The following ZDHHC21 variants were observed in gnomAD, a reference collection of about 807,000 sequenced individuals.
ZDHHC21 encodes the protein palmitoyltransferase ZDHHC21.
A neutral mutation model predicts 34.6 loss-of-function variants in ZDHHC21; 15 were observed. The ratio of observed to expected loss-of-function variants is 0.43; its 90% CI spans 0.29 to 0.67. The LOEUF is 0.67. Ranked by LOEUF, ZDHHC21 falls within the 30% of genes least tolerant of loss-of-function variation. The pLI, the probability that ZDHHC21 is intolerant of heterozygous loss-of-function variation, is 0.14. For missense variants in ZDHHC21, 344 were observed against 327.7 expected (o/e 1.05, Z -0.38); for synonymous variants, 142 against 101.8 (o/e 1.40, Z -2.38).
intron 7 of ZDHHC21, among the ~76,000 whole-genome samples, chr9:14,641,600 T>C (rs1564265065): frequency 6.6e-6 from 1 of 152,102 alleles, no homozygotes; most frequent in East Asian, 1.9e-4. Context: ...GTCAAACATC[T>C]ACCAGCCACC....
chr9:14,635,995 T>C (rs576486907), intron 8 of ZDHHC21, among the ~76,000 whole-genome samples: 11 of 152,026 alleles, frequency 7.2e-5, no homozygotes, highest in African/African-American at 2.7e-4. Flanking sequence ...AAAAGAAAAG[T>C]ACAAAGCATA....
the ZDHHC21 span, among the ~76,000 whole-genome samples, chr9:14,601,734 T>C: frequency 9.2e-5 from 14 of 152,262 alleles, no homozygotes; most frequent in South Asian, 2.9e-3. Context: ...TAGCAAAAAC[T>C]ATGAACCAAC....
chr9:14,678,827 C>T (rs2131584036), intron 3 of ZDHHC21, among the ~76,000 whole-genome samples: 1 of 152,094 alleles, frequency 6.6e-6, no homozygotes, highest in East Asian at 1.9e-4. Flanking sequence ...TAGACTATTT[C>T]CAAGCTATTG....
At chr9:14,630,957 T>C (rs1440351862) in intron 8 of ZDHHC21, among the ~76,000 whole-genome samples, 1 of 152,230 alleles carries the variant, frequency 6.6e-6, no homozygotes, top group Non-Finnish European at 1.5e-5. Flanking sequence ...GCATAATTCT[T>C]AAGAGCCTAG....
At chr9:14,603,753 G>C in the ZDHHC21 span, among the ~76,000 whole-genome samples, 1 of 152,124 alleles carries the variant, frequency 6.6e-6, no homozygotes, top group African/African-American at 2.4e-5. Context: ...TAGAAAAAGG[G>C]AATCGCTGCT....
intron 1 of ZDHHC21, 51 bp from the exon 2 acceptor site, chr9:14,690,436 C>T (rs1209800578): frequency 4.6e-6 from 2 of 434,832 alleles, no homozygotes; most frequent in South Asian, 1.7e-5. Context: ...TGACATCACA[C>T]TTGAGCATTT....
chr9:14,598,342 T>C, the ZDHHC21 span, among the ~76,000 whole-genome samples: 5 of 152,206 alleles, frequency 3.3e-5, no homozygotes, highest in African/African-American at 9.7e-5. Flanking sequence ...ACACTACTGA[T>C]GCTGATTACA....
chr9:14,687,579 G>A (rs562770401), intron 2 of ZDHHC21, among the ~76,000 whole-genome samples: 7 of 150,904 alleles, frequency 4.6e-5, no homozygotes, highest in Admixed American at 2.0e-4. Context: ...GCTGAGGCAC[G>A]AGAATCGCTT....
the ZDHHC21 span, chr9:14,593,771 C>T: frequency 8.8e-4 from 134 of 152,926 alleles, 1 homozygote; most frequent in Non-Finnish European, 1.4e-3. Flanking sequence ...ATAACCAACA[C>T]TGTCCTACAG....
In ZDHHC21 at chr9:14,656,767, T is replaced by C. The variant is rs987079731; in HGVS notation, c.504+1982A>G. Among the ~76,000 whole-genome samples the C allele has an allele frequency of 3.0e-4, 45 of 152,004 alleles. 1 individual carries two copies. The highest frequency in any genetic ancestry group is 5.9e-5 in the Non-Finnish European group (4 of 67,878). On this transcript the variant is annotated intron_variant, in intron 7 of 9. Transcript: ENST00000380916. Reference sequence around the variant, plus strand: ...CTAACAACCAACATAATGATTTGATTTTCATTTGCTAAAATGCTACTAACA... The same window carrying C: ...CTAACAACCAACATAATGATTTGATCTTCATTTGCTAAAATGCTACTAACA...
At chr9:14,674,115 T>A (rs1461445408) in intron 4 of ZDHHC21, 72 bp downstream of exon 4, 3 of 971,620 alleles carry the variant, frequency 3.1e-6, no homozygotes, top group Non-Finnish European at 1.4e-6. Flanking sequence ...GTTATCATAG[T>A]GGCACTACAC....
chr9:14,656,955 T>C (rs1832349101), intron 7 of ZDHHC21, among the ~76,000 whole-genome samples: 1 of 152,002 alleles, frequency 6.6e-6, no homozygotes, highest in African/African-American at 2.4e-5. Flanking sequence ...TTTACTATGC[T>C]GCTGATCTTT....
At chr9:14,650,852 T>C (rs898284603) in intron 7 of ZDHHC21, among the ~76,000 whole-genome samples, 4 of 152,006 alleles carry the variant, frequency 2.6e-5, no homozygotes, top group African/African-American at 9.7e-5. Context: ...TTTCCTTTAT[T>C]GAAATTCTCT....
rs368628792 is a variant in ZDHHC21 at position 14,674,348 on chromosome 9, T to C, written c.-8A>G. 2 of 1,587,344 alleles carry C rather than the reference T, an allele frequency of 1.3e-6. No individual in the cohort carries two copies. Among genetic ancestry groups the C allele is most frequent in the African/African-American group, 1.4e-5 (1 of 73,084 alleles). On this transcript the variant is annotated 5_prime_UTR_variant, in exon 4 of 10. Transcript: ENST00000380916. The stretch of plus-strand genomic sequence containing the variant: ...GTGAATCCGGAGACCCATTTTGCAA[T>C]CTTATAACTGCCTGCTAACCCACAA...
intron 8 of ZDHHC21, among the ~76,000 whole-genome samples, chr9:14,638,869 C>G (rs1270397646): frequency 6.6e-6 from 1 of 151,938 alleles, no homozygotes; most frequent in Non-Finnish European, 1.5e-5. Flanking sequence ...TGCTGGCAAA[C>G]ATGCAGAGAA....
At chr9:14,688,260 C>T (rs983530416) in intron 2 of ZDHHC21, among the ~76,000 whole-genome samples, 4 of 150,792 alleles carry the variant, frequency 2.7e-5, no homozygotes, top group African/African-American at 5.0e-5. Flanking sequence ...GTTGCTGTCA[C>T]GCTTAAATGA....
At chr9:14,690,438 T>G (rs1348516658) in intron 1 of ZDHHC21, 53 bp from the exon 2 acceptor site, 5 of 434,480 alleles carry the variant, frequency 1.2e-5, no homozygotes, top group African/African-American at 6.2e-5. Context: ...ACATCACACT[T>G]GAGCATTTTA....
At chr9:14,608,011 T>C (rs1300070032), downstream of ZDHHC21, among the ~76,000 whole-genome samples, 1 of 152,198 alleles carries the variant, frequency 6.6e-6, no homozygotes, top group Non-Finnish European at 1.5e-5. Context: ...ATATCTGAAA[T>C]GCTTTTGAAC....
At chr9:14,659,797 G>C (rs1056662019) in intron 6 of ZDHHC21, among the ~76,000 whole-genome samples, 3 of 152,126 alleles carry the variant, frequency 2.0e-5, no homozygotes, top group African/African-American at 7.2e-5. Context: ...TAAGATTTAA[G>C]AGTGCATGTT....
Sources: gnomAD v4.1 joint callset for allele counts (sites outside exome capture counted in the v4.1 genomes callset) on GRCh38, gnomAD v4.1.1 for gene constraint, MANE v1.5 for transcripts, NCBI Gene and HGNC (gene_info 2026-07-23, HGNC 2026-07-21) for gene names.